SCD5: variants seen among roughly 807,000 people sequenced by gnomAD.
SCD5 encodes the protein acyl-CoA-desaturase 4.
In SCD5, 20 loss-of-function variants were observed where a neutral mutation model predicts 30.4. That is an observed-to-expected ratio of 0.66 (90% CI 0.46 to 0.96). The LOEUF is 0.96. Among genes scored for constraint, SCD5 ranks in the 40% least tolerant of loss-of-function variants. The pLI, the probability that SCD5 is intolerant of heterozygous loss-of-function variation, is 0.00. For synonymous variants in SCD5, 173 were observed against 176.4 expected (o/e 0.98, Z 0.16); for missense variants, 381 against 443.3 (o/e 0.86, Z 1.26).
chr4:82,730,649 G>A (rs1424816906), intron 1 of SCD5, among the ~76,000 whole-genome samples: 149 of 144,354 alleles, frequency 1.0e-3, no homozygotes, highest in African/African-American at 3.7e-3. Context: ...GCAGTGGCGG[G>A]ATCTTGGCTC....
chr4:82,682,994 T>G (rs1728613719), intron 2 of SCD5, among the ~76,000 whole-genome samples: 1 of 152,164 alleles, frequency 6.6e-6, no homozygotes, highest in African/African-American at 2.4e-5. Flanking sequence ...TTTTCTATTT[T>G]TAGTGGAGAT....
At chr4:82,665,867 C>T (rs761004196) in intron 3 of SCD5, among the ~76,000 whole-genome samples, 1 of 152,024 alleles carries the variant, frequency 6.6e-6, no homozygotes, top group Non-Finnish European at 1.5e-5. Context: ...TAGCTTGATA[C>T]ATAAAAAACT....
At chr4:82,711,415 C>G (rs1162241622) in intron 1 of SCD5, among the ~76,000 whole-genome samples, 1 of 152,132 alleles carries the variant, frequency 6.6e-6, no homozygotes, top group Admixed American at 6.5e-5. Flanking sequence ...CGGAAGCTGC[C>G]TATGTACAGA....
At chr4:82,770,126 CT>C (rs1420314614) in intron 1 of SCD5, among the ~76,000 whole-genome samples, 2 of 152,034 alleles carry the variant, frequency 1.3e-5, no homozygotes, top group South Asian at 2.1e-4. Flanking sequence ...TGTTGGTGTG[CT>C]GCACCCATTA....
intron 2 of SCD5, among the ~76,000 whole-genome samples, chr4:82,696,622 GA>G (rs1399941860): frequency 6.6e-6 from 1 of 152,118 alleles, no homozygotes; most frequent in Non-Finnish European, 1.5e-5. Flanking sequence ...AAAGAGGTTA[GA>G]AATATGAATA....
chr4:82,660,395 C>G, intron 3 of SCD5: 1 of 799,160 alleles, frequency 1.3e-6, no homozygotes, highest in Non-Finnish European at 1.5e-6. Flanking sequence ...AGAAATACAT[C>G]TGGAAATGAT....
intron 3 of SCD5, chr4:82,660,401 A>G: frequency 1.2e-6 from 1 of 807,824 alleles, no homozygotes. Context: ...ACATCTGGAA[A>G]TGATAGCTTA....
intron 3 of SCD5, among the ~76,000 whole-genome samples, chr4:82,646,666 G>GA (rs569160384): frequency 1.5e-3 from 229 of 152,234 alleles, no homozygotes; most frequent in Admixed American, 2.5e-3. Flanking sequence ...TTCTGTAGAA[G>GA]AAAACCTTTC....
chr4:82,772,058 G>A (rs1013781182), intron 1 of SCD5, among the ~76,000 whole-genome samples: 3 of 152,180 alleles, frequency 2.0e-5, no homozygotes, highest in African/African-American at 7.2e-5. Flanking sequence ...GAAGGGCAAA[G>A]AATATCCAGG....
At chr4:82,744,457 T>C (rs1720943211) in intron 1 of SCD5, among the ~76,000 whole-genome samples, 1 of 152,188 alleles carries the variant, frequency 6.6e-6, no homozygotes, top group African/African-American at 2.4e-5. Context: ...CTTAAGGCCT[T>C]GGCAAGCTGT....
intron 3 of SCD5, chr4:82,660,451 C>CAA: frequency 1.1e-6 from 1 of 890,462 alleles, no homozygotes; most frequent in Non-Finnish European, 1.4e-6. Context: ...AAATAATCAA[C>CAA]GTGTACAGGT....
At chr4:82,703,661 T>C (rs539995978) in intron 2 of SCD5, among the ~76,000 whole-genome samples, 1 of 152,336 alleles carries the variant, frequency 6.6e-6, no homozygotes, top group East Asian at 1.9e-4. Flanking sequence ...TTTCAAATTT[T>C]GAGTTATAAA....
chr4:82,737,750 G>A (rs779582440), intron 1 of SCD5, among the ~76,000 whole-genome samples: 1 of 152,174 alleles, frequency 6.6e-6, no homozygotes. Flanking sequence ...TTAAGGCAGA[G>A]TTTCATGTCG....
At chr4:82,652,941 T>A (rs1727787422) in intron 3 of SCD5, among the ~76,000 whole-genome samples, 1 of 152,074 alleles carries the variant, frequency 6.6e-6, no homozygotes, top group Non-Finnish European at 1.5e-5. Context: ...TCCCTTGAGC[T>A]CAGGAGTTCA....
intron 1 of SCD5, among the ~76,000 whole-genome samples, chr4:82,711,543 G>C (rs913281960): frequency 3.3e-5 from 5 of 152,122 alleles, no homozygotes; most frequent in African/African-American, 1.2e-4. Flanking sequence ...GCAAAACACT[G>C]TATCTACAAA....
At chr4:82,685,741 AAAAAC>A (rs1222360513) in intron 2 of SCD5, among the ~76,000 whole-genome samples, 1 of 151,878 alleles carries the variant, frequency 6.6e-6, no homozygotes, top group African/African-American at 2.4e-5. Context: ...AAAAAAAACT[AAAAAC>A]AAAAAAAGTG....
chr4:82,730,630 G>A (rs34479578), intron 1 of SCD5, among the ~76,000 whole-genome samples: 15,173 of 133,320 alleles, frequency 0.11, 1,490 homozygotes, highest in African/African-American at 0.27. Flanking sequence ...CTGTTGCCCA[G>A]GCTGGAGTGC....
At chr4:82,636,293 A>G (rs928487312) in intron 4 of SCD5, among the ~76,000 whole-genome samples, 2 of 149,174 alleles carry the variant, frequency 1.3e-5, no homozygotes, top group Non-Finnish European at 3.0e-5. Flanking sequence ...AAAAAAAAAA[A>G]TACAAAAATT....
chr4:82,676,713 T>A (rs1408264087), intron 3 of SCD5, among the ~76,000 whole-genome samples: 2 of 152,228 alleles, frequency 1.3e-5, no homozygotes, highest in African/African-American at 4.8e-5. Flanking sequence ...CCTTTGGCCC[T>A]GTGATCTCCT....
Sources: gnomAD v4.1 joint callset for allele counts (sites outside exome capture counted in the v4.1 genomes callset) on GRCh38, gnomAD v4.1.1 for gene constraint, MANE v1.5 for transcripts, NCBI Gene and HGNC (gene_info 2026-07-23, HGNC 2026-07-21) for gene names.